Variants in DLGAP1 observed in about 807,000 individuals in gnomAD.
The protein encoded by DLGAP1 is DLG associated protein 1.
A neutral mutation model predicts 90.8 loss-of-function variants in DLGAP1; 11 were observed. The ratio of observed to expected loss-of-function variants is 0.12; its 90% CI spans 0.08 to 0.20. The LOEUF (loss-of-function observed/expected upper bound fraction) is 0.20, where lower values mean the gene tolerates loss of function less well. Among genes scored for constraint, DLGAP1 ranks in the 10% least tolerant of loss-of-function variants. The pLI is 1.00. For missense variants in DLGAP1, 1,050 were observed against 1,333.8 expected (o/e 0.79, Z 3.31); for synonymous variants, 558 against 540.7 (o/e 1.03, Z -0.44).
At chr18:3,912,767 T>C (rs2072063959) in intron 3 of DLGAP1, among the ~76,000 whole-genome samples, 1 of 151,982 alleles carries the variant, frequency 6.6e-6, no homozygotes, top group South Asian at 2.1e-4. Context: ...GGTAGGTGAA[T>C]TTGACCAAGT....
chr18:4,443,849 G>A (rs2083595782), intron 1 of DLGAP1, among the ~76,000 whole-genome samples: 1 of 152,230 alleles, frequency 6.6e-6, no homozygotes, highest in Admixed American at 6.5e-5. Context: ...ACCACAAGAT[G>A]TGAAATACTG....
chr18:4,260,725 A>AT (rs1228974701), intron 1 of DLGAP1, among the ~76,000 whole-genome samples: 1 of 152,220 alleles, frequency 6.6e-6, no homozygotes, highest in Non-Finnish European at 1.5e-5. Flanking sequence ...TGCCTATCAA[A>AT]TAGGTAAATA....
chr18:4,252,540 T>G (rs1568472747), intron 1 of DLGAP1, among the ~76,000 whole-genome samples: 2 of 152,234 alleles, frequency 1.3e-5, no homozygotes, highest in Non-Finnish European at 2.9e-5. Context: ...TGCAGTATTA[T>G]GCTTTAGACT....
At chr18:3,601,023 TATATAG>T (rs1483657266) in intron 7 of DLGAP1, among the ~76,000 whole-genome samples, 2 of 142,516 alleles carry the variant, frequency 1.4e-5, no homozygotes, top group Non-Finnish European at 3.1e-5. Context: ...GATATATAGA[TATATAG>T]ATATAGAGAT....
chr18:4,342,259 T>G lies in DLGAP1; in HGVS notation c.-267+112747A>C, dbSNP rs1019140864. On this transcript the variant is annotated intron_variant, in intron 1 of 12. Coordinates refer to ENST00000315677, the MANE Select transcript of DLGAP1 (RefSeq NM_004746.4). The surrounding 1 kb of genome is among the most constrained non-coding windows in gnomAD (Gnocchi z 5.8). The stretch of plus-strand genomic sequence containing the variant: ...CCTACAACAGAGCCCCTGAACTTGA[T>G]TCTGCTTGCATTTTAATGGTAGGCG... Among the ~76,000 whole-genome samples the G allele has an allele frequency of 6.6e-6, 1 of 152,104 alleles. No homozygotes were observed. The highest frequency in any genetic ancestry group is 1.5e-5 in the Non-Finnish European group (1 of 68,014).
chr18:3,614,356 T>C (rs1218427282), intron 7 of DLGAP1, among the ~76,000 whole-genome samples: 1 of 152,190 alleles, frequency 6.6e-6, no homozygotes, highest in Non-Finnish European at 1.5e-5. Context: ...ACAATTTGCA[T>C]AAATGTACAT....
At chr18:3,594,010 GA>G (rs113535435) in intron 7 of DLGAP1, 53,771 of 116,776 alleles carry the variant, frequency 0.46, 9,949 homozygotes, top group South Asian at 0.49. Context: ...CGTCATTAAA[GA>G]AAAAAAAAAA....
intron 7 of DLGAP1, among the ~76,000 whole-genome samples, chr18:3,628,279 T>C (rs1427444920): frequency 2.0e-5 from 3 of 148,766 alleles, no homozygotes; most frequent in African/African-American, 7.5e-5. Context: ...AACCTCTGCC[T>C]CCCGGGTTCG....
rs567750114 is a variant in DLGAP1, at chr18:4,005,917, G to A, written c.-158-716C>T. On this transcript the variant is annotated intron_variant, in intron 2 of 12. Transcript: ENST00000315677. Reference sequence around the variant, plus strand: ...TAGGAACCCTTTTGTAGAGGGCTTGGTTCATATGTAATCTCTAAATGGTGA... The same window carrying A: ...TAGGAACCCTTTTGTAGAGGGCTTGATTCATATGTAATCTCTAAATGGTGA... Among the ~76,000 whole-genome samples, 7 of 152,256 alleles carry A rather than the reference G, an allele frequency of 4.6e-5. No homozygotes were observed. In the South Asian group the frequency reaches 1.0e-3, roughly 23 times the overall value.
At chr18:4,351,936 A>C (rs1167715691) in intron 1 of DLGAP1, among the ~76,000 whole-genome samples, 1 of 152,202 alleles carries the variant, frequency 6.6e-6, no homozygotes, top group Non-Finnish European at 1.5e-5. Flanking sequence ...GTTTTTCCAT[A>C]AAAATCCTAC....
intron 4 of DLGAP1, chr18:3,845,097 C>G: frequency 8.9e-7 from 1 of 1,126,404 alleles, no homozygotes; most frequent in Non-Finnish European, 1.2e-6. Flanking sequence ...AATTGTTCAT[C>G]CCCAGTTCAC....
At chr18:3,557,820 G>A (rs548463062) in intron 9 of DLGAP1, among the ~76,000 whole-genome samples, 19 of 152,104 alleles carry the variant, frequency 1.2e-4, no homozygotes, top group South Asian at 4.2e-4. Flanking sequence ...ACAGCTACTC[G>A]GAAGGCTGAG....
chr18:4,121,274 G>A (rs2076149289), intron 2 of DLGAP1, among the ~76,000 whole-genome samples: 1 of 151,968 alleles, frequency 6.6e-6, no homozygotes, highest in Non-Finnish European at 1.5e-5. Flanking sequence ...GGAACTCAAG[G>A]ATAGATTGAT....
chr18:3,531,547 G>A (rs773469839), intron 10 of DLGAP1, among the ~76,000 whole-genome samples: 11 of 152,042 alleles, frequency 7.2e-5, no homozygotes, highest in Non-Finnish European at 1.0e-4. Flanking sequence ...CAGTAGCTGC[G>A]ATCTCTGTTC....
intron 1 of DLGAP1, among the ~76,000 whole-genome samples, chr18:4,306,828 G>T (rs533440887): frequency 1.3e-5 from 2 of 152,128 alleles, no homozygotes; most frequent in Non-Finnish European, 2.9e-5. Flanking sequence ...ATTTTCACAA[G>T]AATTTATTAA....
chr18:3,999,613 AC>A (rs2074140106), intron 3 of DLGAP1, among the ~76,000 whole-genome samples: 1 of 152,030 alleles, frequency 6.6e-6, no homozygotes, highest in Non-Finnish European at 1.5e-5. Flanking sequence ...AACAAAAACA[AC>A]AACAACAACA....
At chr18:4,149,676 A>G (rs2076641754) in intron 2 of DLGAP1, among the ~76,000 whole-genome samples, 1 of 152,182 alleles carries the variant, frequency 6.6e-6, no homozygotes, top group Non-Finnish European at 1.5e-5. Context: ...TTAAATTCTC[A>G]TAGGAGCATG....
intron 7 of DLGAP1, among the ~76,000 whole-genome samples, chr18:3,613,793 T>C (rs2057734705): frequency 1.3e-5 from 2 of 152,240 alleles, no homozygotes; most frequent in African/African-American, 4.8e-5. Context: ...ATCTGTGGAA[T>C]GGGACAATAA....
At chr18:4,044,509 G>A (rs577889344) in intron 2 of DLGAP1, among the ~76,000 whole-genome samples, 2 of 152,306 alleles carry the variant, frequency 1.3e-5, no homozygotes, top group East Asian at 1.9e-4. Flanking sequence ...TTGGGAGGCC[G>A]AGGCAGGTGG....
Sources: gnomAD v4.1 joint callset for allele counts (sites outside exome capture counted in the v4.1 genomes callset) on GRCh38, gnomAD v4.1.1 for gene constraint, Gnocchi (gnomAD v3.1) non-coding constraint, MANE v1.5 for transcripts, NCBI Gene and HGNC (gene_info 2026-07-23, HGNC 2026-07-21) for gene names.